ATG7: variants seen among roughly 807,000 people sequenced by gnomAD.
ATG7 encodes ubiquitin-like modifier-activating enzyme ATG7.
A neutral mutation model predicts 82.4 loss-of-function variants in ATG7; 70 were observed. The ratio of observed to expected loss-of-function variants is 0.85; its 90% confidence interval spans 0.70 to 1.04. ATG7 has a LOEUF of 1.04. Ranked by LOEUF, ATG7 falls within the 50% of genes least tolerant of loss-of-function variation. The probability of loss-of-function intolerance (pLI) is 0.00; values close to 1 mark genes in which losing one functional copy is unlikely to be tolerated. For synonymous variants in ATG7, 287 were observed against 313.0 expected, an observed-to-expected ratio of 0.92 and a Z score of 0.88; for missense variants, 792 against 864.3, an observed-to-expected ratio of 0.92 and a Z score of 1.05.
chr3:11,507,734 C>G (rs1394301246), intron 20 of ATG7, among the ~76,000 whole-genome samples: 1 of 152,056 alleles, frequency 6.6e-6, no homozygotes, highest in African/African-American at 2.4e-5. Context: ...GGTTAAGAAG[C>G]CCTGCTGGGA....
chr3:11,333,042 G>A lies in ATG7; in HGVS notation c.838G>A (p.Ala280Thr). The change falls in exon 11 of 21, where the codon GCC becomes ACC. Residue 280 changes from alanine to threonine, a missense_variant. By Grantham distance (58) the Ala-to-Thr change is moderately conservative. Transcript: ENST00000693202. ...DRTMQGARDV[A>T]HSIIFEVKLP... ...TACCATGCAGGGGGCGAGAGACGTT[G>A]CCCACAGCATCATCTTCGAAGTGAA... is the stretch of plus-strand genomic sequence containing the variant. The A allele has an allele frequency of 1.3e-6, 2 of 1,571,880 alleles. No individual in the cohort carries two copies. The highest frequency in any genetic ancestry group is 1.7e-6 in the Non-Finnish European group (2 of 1,158,604).
intron 9 of ATG7, among the ~76,000 whole-genome samples, chr3:11,326,415 C>T (rs1950886754): frequency 6.6e-6 from 1 of 152,150 alleles, no homozygotes; most frequent in African/African-American, 2.4e-5. Context: ...TCTCCTGCCT[C>T]AGTCTCCCGA....
At chr3:11,289,867 T>TC (rs1491484304) in intron 3 of ATG7, among the ~76,000 whole-genome samples, 3 of 152,032 alleles carry the variant, frequency 2.0e-5, no homozygotes, top group African/African-American at 7.3e-5. Flanking sequence ...GCCTTTTTTT[T>TC]CTCTCTCTGT....
chr3:11,411,228 C>T (rs923840467), intron 19 of ATG7, among the ~76,000 whole-genome samples: 2 of 152,050 alleles, frequency 1.3e-5, no homozygotes, highest in African/African-American at 4.8e-5. Flanking sequence ...GCTTATTGGC[C>T]ATTTGTATAT....
chr3:11,351,459 A>G (rs2075538218), intron 14 of ATG7, among the ~76,000 whole-genome samples: 1 of 152,146 alleles, frequency 6.6e-6, no homozygotes, highest in Non-Finnish European at 1.5e-5. Flanking sequence ...ACTTTTGTGG[A>G]ACTGAAAGAA....
intron 20 of ATG7, among the ~76,000 whole-genome samples, chr3:11,517,248 G>C (rs1461582201): frequency 1.3e-5 from 2 of 152,076 alleles, no homozygotes; most frequent in African/African-American, 4.8e-5. Flanking sequence ...GGCTGAGGCA[G>C]GAGAATCGCT....
chr3:11,354,217 C>T (rs559654019), intron 14 of ATG7, among the ~76,000 whole-genome samples: 3 of 151,856 alleles, frequency 2.0e-5, no homozygotes, highest in African/African-American at 7.3e-5. Context: ...TTTCCAGGTG[C>T]CTTTAAAAAA....
intron 20 of ATG7, among the ~76,000 whole-genome samples, chr3:11,537,154 G>A (rs972522153): frequency 5.3e-5 from 8 of 152,018 alleles, no homozygotes; most frequent in Admixed American, 5.2e-4. Flanking sequence ...TGTTTTCTCC[G>A]TAGAGAGCTG....
chr3:11,567,272 C>T, the ATG7 span, among the ~76,000 whole-genome samples: 5 of 152,124 alleles, frequency 3.3e-5, no homozygotes, highest in Admixed American at 6.5e-5. Flanking sequence ...ACAATCAGAG[C>T]GGCGCAGTGC....
intron 19 of ATG7, among the ~76,000 whole-genome samples, chr3:11,393,938 C>T (rs953344002): frequency 1.3e-5 from 2 of 152,200 alleles, no homozygotes; most frequent in Non-Finnish European, 2.9e-5. Context: ...CCCTTGGCCT[C>T]CCAAAGTGCT....
chr3:11,305,896 A>G (rs1458974160), intron 5 of ATG7, among the ~76,000 whole-genome samples: 2 of 152,202 alleles, frequency 1.3e-5, no homozygotes, highest in Non-Finnish European at 2.9e-5. Context: ...GGTTCTTCTA[A>G]ACTATGCAGC....
chr3:11,471,745 CTTTTTT>C (rs200590021), intron 20 of ATG7, among the ~76,000 whole-genome samples: 8 of 105,710 alleles, frequency 7.6e-5, no homozygotes, highest in Non-Finnish European at 1.4e-4. Context: ...TTTTAGATTT[CTTTTTT>C]TTTTTTTTTT....
At chr3:11,562,658 T>C (rs531195229), downstream of ATG7, among the ~76,000 whole-genome samples, 1 of 152,360 alleles carries the variant, frequency 6.6e-6, no homozygotes, top group East Asian at 1.9e-4. Flanking sequence ...CCCGCCACGC[T>C]GCCGCAGGAA....
chr3:11,363,241 C>CTT (rs111618869), intron 17 of ATG7: 22 of 156,428 alleles, frequency 1.4e-4, no homozygotes, highest in South Asian at 6.4e-4. Flanking sequence ...CTCCTTCAAT[C>CTT]TTTTTTTTTT....
chr3:11,306,816 A>G (rs1271950636), intron 5 of ATG7, 127 bp from the exon 6 acceptor site: 3 of 717,852 alleles, frequency 4.2e-6, no homozygotes, highest in African/African-American at 3.5e-5. Flanking sequence ...CCAAGAAAAC[A>G]TACAGTTAAT....
At chr3:11,281,401 C>T (rs1559316479) in intron 2 of ATG7, among the ~76,000 whole-genome samples, 1 of 152,198 alleles carries the variant, frequency 6.6e-6, no homozygotes, top group Non-Finnish European at 1.5e-5. Flanking sequence ...GCTAAGTGGA[C>T]TAGAGTGGCC....
intron 19 of ATG7, among the ~76,000 whole-genome samples, chr3:11,406,560 G>A (rs530154804): frequency 9.2e-5 from 14 of 152,170 alleles, no homozygotes; most frequent in Non-Finnish European, 1.8e-4. Context: ...CTCTTGCCTC[G>A]GCCTCTGTAT....
At position 11,364,759 on chromosome 3, in the gene ATG7, C is replaced by T. The variant is rs1002927134; in HGVS notation, c.1875+25C>T. The T allele has an allele frequency of 1.9e-6, 3 of 1,612,256 alleles. No individual in the cohort carries two copies. In the Admixed American group the frequency reaches 5.0e-5, roughly 27 times the overall value. ...GGTTAGTGATGTGGAAGTGAAATCA[C>T]AATTCTTTTGGTACAGGGGGAAAGC... On this transcript the variant is annotated intron_variant, in intron 18 of 20. Transcript: ENST00000693202.
At chr3:11,379,444 G>A (rs959326785) in intron 18 of ATG7, among the ~76,000 whole-genome samples, 1 of 152,148 alleles carries the variant, frequency 6.6e-6, no homozygotes, top group Admixed American at 6.5e-5. Context: ...ATCTGATGAT[G>A]TTTTACATTT....
Sources: allele counts gnomAD v4.1 joint callset (sites outside exome capture counted in the v4.1 genomes callset), GRCh38; gene constraint gnomAD v4.1.1; transcripts MANE v1.5; gene names NCBI Gene and HGNC (gene_info 2026-07-23, HGNC 2026-07-21).